The following CLYBL variants were observed in gnomAD, a reference collection of about 807,000 sequenced individuals.
CLYBL encodes citramalyl-CoA lyase, mitochondrial.
A neutral mutation model predicts 38.9 loss-of-function variants in CLYBL; 31 were observed. The ratio of observed to expected loss-of-function variants is 0.80; its 90% CI spans 0.60 to 1.08. The LOEUF (loss-of-function observed/expected upper bound fraction) is 1.08, where lower values mean the gene tolerates loss of function less well. CLYBL is among the 50% of genes least tolerant of loss of function. CLYBL has a pLI of 0.00. For synonymous variants in CLYBL, 171 were observed against 158.6 expected (o/e 1.08, Z -0.59); for missense variants, 434 against 411.6 (o/e 1.05, Z -0.47).
At chr13:99,638,618 G>A (rs1042947878) in intron 1 of CLYBL, among the ~76,000 whole-genome samples, 7 of 152,196 alleles carry the variant, frequency 4.6e-5, no homozygotes, top group African/African-American at 1.7e-4. Context: ...CATTTTTTGA[G>A]AGCTTACTAT....
intron 1 of CLYBL, among the ~76,000 whole-genome samples, chr13:99,656,916 T>C (rs1379565973): frequency 6.6e-6 from 1 of 152,252 alleles, no homozygotes; most frequent in African/African-American, 2.4e-5. Flanking sequence ...ATGTTATCTT[T>C]ACCAAGGTGC....
At chr13:99,732,814 T>C (rs61974419) in intron 1 of CLYBL, among the ~76,000 whole-genome samples, 4,123 of 152,334 alleles carry the variant, frequency 0.027, 72 homozygotes, top group Middle Eastern at 0.12. Flanking sequence ...GACCCAAAGA[T>C]ATTTAAAAAT....
intron 2 of CLYBL, among the ~76,000 whole-genome samples, chr13:99,774,227 T>C (rs1329827834): frequency 6.6e-6 from 1 of 152,086 alleles, no homozygotes; most frequent in Non-Finnish European, 1.5e-5. Context: ...AGTGAGACCC[T>C]GTCTCCAAAA....
intron 1 of CLYBL, among the ~76,000 whole-genome samples, chr13:99,663,145 C>G (rs147626412): frequency 1.3e-5 from 2 of 152,294 alleles, no homozygotes; most frequent in African/African-American, 4.8e-5. Context: ...TCTCTTAGCT[C>G]GTAGTGAGCT....
In CLYBL at chr13:99,755,694, C is replaced by T. The variant is rs139495298; in HGVS notation, c.63-17130C>T. 1.6e-3 allele frequency among the ~76,000 whole-genome samples: 243 copies of T among 152,288 alleles called. 2 individuals are homozygous for T. The East Asian group carries it at 0.04, about 25-fold the overall frequency. ...TGCTGTGTCTGCTCTTCTCTGTGCCCCACGTTGATGCAGAGCTCCCATGAA... is the reference window on the plus strand; with the variant it reads ...TGCTGTGTCTGCTCTTCTCTGTGCCTCACGTTGATGCAGAGCTCCCATGAA... On this transcript the variant is annotated intron_variant, in intron 1 of 8. Coordinates refer to ENST00000339105, the MANE Select transcript of CLYBL (RefSeq NM_206808.5).
At chr13:99,633,963 A>G (rs2046984846) in intron 1 of CLYBL, among the ~76,000 whole-genome samples, 2 of 152,212 alleles carry the variant, frequency 1.3e-5, no homozygotes, top group South Asian at 4.1e-4. Context: ...GGCAGAAAAA[A>G]TATTTGAGGG....
At position 99,772,988 on chromosome 13, in the gene CLYBL, A is replaced by G; in HGVS notation, c.227A>G (p.Asp76Gly). The change falls in exon 2 of 9, where the codon GAT (aspartate) becomes GGT (glycine). Residue 76 changes from aspartate to glycine, a missense_variant. Transcript: ENST00000339105. ...GATTGTGCAGTGCTCGACTGTGAGGATGGAGTGGCTGCAAACAAAAAGGTA... is the reference window on the plus strand; with the variant it reads ...GATTGTGCAGTGCTCGACTGTGAGGGTGGAGTGGCTGCAAACAAAAAGGTA... ...NVDCAVLDCE[D>G]GVAANKKNEA... 1.2e-6 allele frequency: 2 copies of G among 1,610,148 alleles called. No individual in the cohort carries two copies. Among genetic ancestry groups the G allele is most frequent in the Non-Finnish European group, 1.7e-6 (2 of 1,179,244 alleles).
chr13:99,661,813 T>C (rs1184581925), intron 1 of CLYBL, among the ~76,000 whole-genome samples: 1 of 152,232 alleles, frequency 6.6e-6, no homozygotes, highest in Admixed American at 6.5e-5. Flanking sequence ...AAACAAAGTC[T>C]GATGTGTTAA....
At chr13:99,844,162 C>T (rs889000798) in intron 2 of CLYBL, among the ~76,000 whole-genome samples, 6 of 152,128 alleles carry the variant, frequency 3.9e-5, no homozygotes, top group Admixed American at 1.3e-4. Flanking sequence ...GGTAACTCAC[C>T]GACCCTCGAG....
At chr13:99,842,705 C>CT (rs1555316709) in intron 2 of CLYBL, among the ~76,000 whole-genome samples, 4,868 of 114,684 alleles carry the variant, frequency 0.042, 117 homozygotes, top group South Asian at 0.058. Context: ...CTGTACAGCC[C>CT]TTTTTTTTAA....
At chr13:99,628,112 T>C (rs1338219245) in intron 1 of CLYBL, among the ~76,000 whole-genome samples, 1 of 152,244 alleles carries the variant, frequency 6.6e-6, no homozygotes. Context: ...AGTACAATAA[T>C]CTTTGTGTTG....
At chr13:99,625,182 A>G (rs928520995) in intron 1 of CLYBL, among the ~76,000 whole-genome samples, 3 of 152,188 alleles carry the variant, frequency 2.0e-5, no homozygotes, top group African/African-American at 7.2e-5. Flanking sequence ...TCGGGCTGTA[A>G]GCTCCTTGAG....
chr13:99,615,749 CCTT>C (rs1247626168), intron 1 of CLYBL, among the ~76,000 whole-genome samples: 2 of 152,090 alleles, frequency 1.3e-5, no homozygotes, highest in African/African-American at 4.8e-5. Flanking sequence ...TTCATTCCCT[CCTT>C]CTTTCCTTCC....
At chr13:99,894,740 G>T (rs1368002517), downstream of CLYBL, 6 of 127,896 alleles carry the variant, frequency 4.7e-5, no homozygotes, top group African/African-American at 1.6e-4. Flanking sequence ...CTGAGGCGGG[G>T]GGGGGGGGGG....
intron 6 of CLYBL, among the ~76,000 whole-genome samples, chr13:99,867,107 A>T (rs1366530985): frequency 1.3e-5 from 2 of 152,226 alleles, no homozygotes; most frequent in African/African-American, 2.4e-5. Flanking sequence ...AAAAACCACA[A>T]TAGGAGTCTA....
chr13:99,736,202 G>A (rs1048129264), intron 1 of CLYBL, among the ~76,000 whole-genome samples: 20 of 151,374 alleles, frequency 1.3e-4, no homozygotes, highest in African/African-American at 4.9e-4. Context: ...CCGCCACCAC[G>A]CCCAGCTAAT....
intron 1 of CLYBL, chr13:99,690,754 C>A (rs942039197): frequency 2.0e-5 from 3 of 152,172 alleles, no homozygotes; most frequent in Admixed American, 6.5e-5. Context: ...GATTCTTTTT[C>A]AGTACCTACT....
At chr13:99,703,642 A>G (rs1224002409) in intron 1 of CLYBL, among the ~76,000 whole-genome samples, 1 of 152,190 alleles carries the variant, frequency 6.6e-6, no homozygotes, top group Non-Finnish European at 1.5e-5. Flanking sequence ...CACTGGGATT[A>G]CACATATGAG....
chr13:99,633,526 C>T (rs2046977823), intron 1 of CLYBL, among the ~76,000 whole-genome samples: 1 of 119,820 alleles, frequency 8.3e-6, no homozygotes, highest in African/African-American at 3.2e-5. Context: ...CAGTGCAGGA[C>T]TCTGTCTCAA....
Sources: allele counts gnomAD v4.1 joint callset (sites outside exome capture counted in the v4.1 genomes callset), GRCh38; gene constraint gnomAD v4.1.1; transcripts MANE v1.5; gene names NCBI Gene and HGNC (gene_info 2026-07-23, HGNC 2026-07-21).